HAS2: variants seen among roughly 807,000 people sequenced by gnomAD.
The protein encoded by HAS2 is hyaluronan synthase 2, also known as HA synthase 2.
Under a neutral mutation model 51.6 loss-of-function variants are expected in HAS2, and 16 were observed. The ratio of observed to expected loss-of-function variants is 0.31; its 90% confidence interval spans 0.21 to 0.47. The LOEUF (loss-of-function observed/expected upper bound fraction) is 0.47, where lower values mean the gene tolerates loss of function less well. Among genes scored for constraint, HAS2 ranks in the 20% least tolerant of loss-of-function variants. The probability of loss-of-function intolerance (pLI) is 1.00; values close to 1 mark genes in which losing one functional copy is unlikely to be tolerated. For synonymous variants in HAS2, 228 were observed against 235.5 expected, an observed-to-expected ratio of 0.97 and a Z score of 0.29; for missense variants, 361 against 662.6, an observed-to-expected ratio of 0.54 and a Z score of 5.00.
chr8:121,629,564 A>G lies in HAS2; in HGVS notation c.1-224T>C, dbSNP rs928154732. Among the ~76,000 whole-genome samples, 8 of 152,276 alleles carry G rather than the reference A, an allele frequency of 5.3e-5. No homozygotes were observed. The South Asian group carries it at 8.3e-4, about 16-fold the overall frequency. ...CCTCAGAGGGTTATTTCAAGAGTCA[A>G]ATGAGATGATGGTACAGCATACTAC... On this transcript the variant is annotated intron_variant, in intron 1 of 3. Transcript: ENST00000303924.
At chr8:121,628,145 G>T (rs986284412) in intron 2 of HAS2, among the ~76,000 whole-genome samples, 5 of 151,952 alleles carry the variant, frequency 3.3e-5, no homozygotes, top group Non-Finnish European at 7.4e-5. Flanking sequence ...ACATTACTTT[G>T]CTTTTGCTCG....
Position 121,617,188 on chromosome 8 carries a change from T to C in HAS2, c.646A>G (p.Met216Val), listed in dbSNP as rs144357112. The C allele has an allele frequency of 3.1e-6, 5 of 1,608,036 alleles. No individual in the cohort carries two copies. The African/African-American group carries it at 5.3e-5, about 17-fold the overall frequency. The change falls in exon 3 of 4, where the codon ATG becomes GTG. Residue 216 changes from methionine to valine, a missense_variant. By Grantham distance (21) the Met-to-Val change is conservative. This residue lies in a region of HAS2 where 49 missense variants were observed against 108.3 expected (regional missense o/e 0.45). Transcript: ENST00000303924. ...TCCACAGATGAGGCTGGGTCAAGCATAGTGTCTGAATCACAAACCTGCAAA... is the reference window on the plus strand; with the variant it reads ...TCCACAGATGAGGCTGGGTCAAGCACAGTGTCTGAATCACAAACCTGCAAA... ...DYVQVCDSDT[M>V]LDPASSVEMV...
At chr8:121,618,238 T>C (rs568732813) in intron 2 of HAS2, among the ~76,000 whole-genome samples, 1 of 152,144 alleles carries the variant, frequency 6.6e-6, no homozygotes, top group African/African-American at 2.4e-5. Context: ...AAAGCTGATA[T>C]GGAGAATAGG....
intron 1 of HAS2, 77 bp from the exon 2 acceptor site, chr8:121,629,417 A>G: frequency 8.8e-7 from 1 of 1,139,144 alleles, no homozygotes; most frequent in Non-Finnish European, 1.3e-6. Context: ...TCATGGGGAG[A>G]GTATTGGACT....
Position 121,628,900 on chromosome 8 carries a change from G to C in HAS2, c.441C>G (p.Ile147Met), listed in dbSNP as rs1563622808. The C allele has an allele frequency of 1.2e-6, 2 of 1,613,838 alleles. No homozygotes were observed. The highest frequency in any genetic ancestry group is 1.3e-5 in the African/African-American group (1 of 74,908). The stretch of plus-strand genomic sequence containing the variant: ...CCTTTTCGTGGAAGTTGTTCTTCCA[G>C]ATATAAGTGGCTGATTTGTCTCTGC... ...VMGRDKSATY[I>M]WKNNFHEKGP... The change falls in exon 2 of 4, where the codon ATC becomes ATG. Residue 147 changes from isoleucine (I) to methionine (M), a missense_variant. By Grantham distance (10) the Ile-to-Met change is conservative (BLOSUM62 1). This residue lies in a region of HAS2 where 145 missense variants were observed against 217.6 expected (regional missense o/e 0.67). Transcript: ENST00000303924.
chr8:121,630,568 T>C (rs973527764), intron 1 of HAS2, among the ~76,000 whole-genome samples: 5 of 152,340 alleles, frequency 3.3e-5, no homozygotes, highest in African/African-American at 4.8e-5. Context: ...TTGGTATAAA[T>C]GCAATATCTT....
intron 1 of HAS2, among the ~76,000 whole-genome samples, chr8:121,632,476 T>A (rs1812947484): frequency 6.6e-6 from 1 of 152,210 alleles, no homozygotes; most frequent in South Asian, 2.1e-4. Flanking sequence ...ATTAAAATTT[T>A]AATTTTTCCC....
intron 2 of HAS2, among the ~76,000 whole-genome samples, chr8:121,620,987 C>T (rs1034947207): frequency 6.6e-6 from 1 of 152,186 alleles, no homozygotes; most frequent in Non-Finnish European, 1.5e-5. Context: ...CATGCATCCA[C>T]CCTTGCCTGC....
At chr8:121,637,887 C>T (rs1356698463) in intron 1 of HAS2, among the ~76,000 whole-genome samples, 2 of 152,074 alleles carry the variant, frequency 1.3e-5, no homozygotes, top group African/African-American at 4.8e-5. Flanking sequence ...AAAAGAGAAC[C>T]CAGAAGGAGA....
rs761954111 is a variant in HAS2, at chr8:121,629,248, A to T, written c.93T>A (p.Ile31=). The T allele has an allele frequency of 1.2e-6, 2 of 1,613,926 alleles. No homozygotes were observed. The highest frequency in any genetic ancestry group is 1.7e-6 in the Non-Finnish European group (2 of 1,179,776). Residue 31 remains isoleucine (I), a synonymous_variant, in exon 2 of 4, where the codon ATT becomes ATA. Coordinates refer to ENST00000303924, the MANE Select transcript of HAS2 (RefSeq NM_005328.3). ...SLLLGITAAY[I]VGYQFIQTDN... The stretch of plus-strand genomic sequence containing the variant: ...CCGTTTGGATAAACTGGTAGCCAAC[A>T]ATATAAGCAGCTGTGATTCCAAGGA...
intron 1 of HAS2, among the ~76,000 whole-genome samples, chr8:121,638,137 A>AT (rs1813038627): frequency 2.0e-5 from 3 of 152,282 alleles, no homozygotes; most frequent in South Asian, 2.1e-4. Context: ...TCAAGAAAAA[A>AT]ATTTTTTTAA....
intron 2 of HAS2, among the ~76,000 whole-genome samples, chr8:121,628,387 G>A (rs1159578962): frequency 3.3e-5 from 5 of 152,120 alleles, no homozygotes; most frequent in Admixed American, 6.5e-5. Context: ...GGAAAATGAT[G>A]TTGGATTTGA....
At chr8:121,623,147 A>T (rs1429793154) in intron 2 of HAS2, among the ~76,000 whole-genome samples, 1 of 152,148 alleles carries the variant, frequency 6.6e-6, no homozygotes, top group Non-Finnish European at 1.5e-5. Flanking sequence ...GGAATTAGGA[A>T]TATACAAGCC....
chr8:121,621,856 G>T (rs1182237697), intron 2 of HAS2, among the ~76,000 whole-genome samples: 2 of 151,816 alleles, frequency 1.3e-5, no homozygotes, highest in Admixed American at 6.6e-5. Flanking sequence ...CAGACTGATG[G>T]ATCTCCTCAC....
chr8:121,615,711 T>A (rs1020746827), intron 3 of HAS2, among the ~76,000 whole-genome samples: 1 of 152,136 alleles, frequency 6.6e-6, no homozygotes, highest in African/African-American at 2.4e-5. Flanking sequence ...GATTTGAATG[T>A]TTTTAGGTTC....
chr8:121,618,782 T>C (rs961437078), intron 2 of HAS2, among the ~76,000 whole-genome samples: 1 of 152,168 alleles, frequency 6.6e-6, no homozygotes, highest in African/African-American at 2.4e-5. Flanking sequence ...TTCCCATTAT[T>C]CTGCCATCAA....
rs565631609 is a variant in HAS2, at chr8:121,627,858, G to A, written c.627+856C>T. ...AACATCCCAGTGCCTTTCTTAAACC[G>A]GAGACATTTTTCCCCTCTCAATACC... On this transcript the variant is annotated intron_variant, in intron 2 of 3. Coordinates refer to ENST00000303924, the MANE Select transcript of HAS2 (RefSeq NM_005328.3). Among the ~76,000 whole-genome samples the A allele has an allele frequency of 7.9e-5, 12 of 152,204 alleles. No homozygotes were observed. In the South Asian group the frequency reaches 1.0e-3, roughly 13 times the overall value.
At chr8:121,623,076 G>T (rs62524931) in intron 2 of HAS2, among the ~76,000 whole-genome samples, 38,834 of 151,930 alleles carry the variant, frequency 0.26, 5,090 homozygotes, top group Middle Eastern at 0.36. Flanking sequence ...CTAGCCAACA[G>T]AAAGCCTTTA....
intron 2 of HAS2, among the ~76,000 whole-genome samples, chr8:121,627,453 C>T (rs1489829687): frequency 6.6e-6 from 1 of 152,112 alleles, no homozygotes; most frequent in Non-Finnish European, 1.5e-5. Context: ...CTTCAGACAT[C>T]AACTGAAATT....
Sources: allele counts gnomAD v4.1 joint callset (sites outside exome capture counted in the v4.1 genomes callset), GRCh38; gene constraint gnomAD v4.1.1; regional missense constraint gnomAD v4.1.1; transcripts MANE v1.5; gene names NCBI Gene and HGNC (gene_info 2026-07-23, HGNC 2026-07-21).